The following TSEN15 variants were observed in gnomAD, a reference collection of about 807,000 sequenced individuals.
TSEN15 encodes tRNA splicing endonuclease subunit 15.
A neutral mutation model predicts 20.5 loss-of-function variants in TSEN15; 10 were observed. That is an observed-to-expected ratio of 0.49 (90% CI 0.30 to 0.83). The LOEUF (loss-of-function observed/expected upper bound fraction) is 0.83. TSEN15 is among the 40% of genes least tolerant of loss of function. The pLI is 0.06. For synonymous variants in TSEN15, 72 were observed against 80.1 expected (o/e 0.90, Z 0.54); for missense variants, 180 against 218.6 (o/e 0.82, Z 1.11).
intron 3 of TSEN15, among the ~76,000 whole-genome samples, chr1:184,082,479 G>A (rs1651188227): frequency 6.6e-6 from 1 of 152,178 alleles, no homozygotes; most frequent in East Asian, 1.9e-4. Context: ...AGTATGTGGA[G>A]CTTTACCTGG....
chr1:184,053,206 C>A (rs1173824835), intron 1 of TSEN15, among the ~76,000 whole-genome samples: 1 of 151,934 alleles, frequency 6.6e-6, no homozygotes, highest in Admixed American at 6.6e-5. Context: ...CTTGAAGGAT[C>A]AAATTAATTT....
intron 3 of TSEN15, among the ~76,000 whole-genome samples, chr1:184,082,432 A>C (rs1278728513): frequency 5.9e-5 from 9 of 152,108 alleles, no homozygotes; most frequent in Non-Finnish European, 2.9e-5. Context: ...TCTTCATAGC[A>C]TGTTGAAGAA....
downstream of TSEN15, among the ~76,000 whole-genome samples, chr1:184,077,605 A>T (rs900339612): frequency 6.6e-6 from 1 of 152,122 alleles, no homozygotes; most frequent in African/African-American, 2.4e-5. Context: ...TAGACTGACA[A>T]CCTTCCAGAA....
intron 3 of TSEN15, among the ~76,000 whole-genome samples, chr1:184,060,524 A>G (rs1366197292): frequency 6.6e-6 from 1 of 152,256 alleles, no homozygotes; most frequent in Admixed American, 6.5e-5. Context: ...TAAGCAAGGA[A>G]GTGAGACTAT....
At chr1:184,067,924 C>CTCAA (rs1650731485) in intron 3 of TSEN15, among the ~76,000 whole-genome samples, 2 of 54,884 alleles carry the variant, frequency 3.6e-5, no homozygotes, top group Admixed American at 2.2e-4. Context: ...CTCTCTCTCT[C>CTCAA]AAAAAAAAAA....
intron 3 of TSEN15, among the ~76,000 whole-genome samples, chr1:184,061,091 A>G (rs1650440161): frequency 6.6e-6 from 1 of 152,106 alleles, no homozygotes; most frequent in South Asian, 2.1e-4. Flanking sequence ...TCTTAGTGCT[A>G]ATTTGTCTTT....
chr1:184,083,854 T>A (rs1651212910), intron 3 of TSEN15, among the ~76,000 whole-genome samples: 1 of 152,170 alleles, frequency 6.6e-6, no homozygotes, highest in Admixed American at 6.5e-5. Context: ...GGTGATCCTA[T>A]AATTGAAAGA....
In TSEN15 at chr1:184,051,906, A is replaced by G; in HGVS notation, c.135+16A>G. 6.6e-7 allele frequency: 1 copy of G among 1,525,458 alleles called. No individual in the cohort carries two copies. Among genetic ancestry groups the G allele is most frequent in the East Asian group, 2.6e-5 (1 of 38,912 alleles). 94.5% of individuals were successfully genotyped at this position (1,525,458 alleles called of 1,614,324 possible). Reference sequence around the variant, plus strand: ...TCACCCTAAGGTCAGGAGGCGCGAGAGGAGCAGGGCGCCGTCCAGGCCCCT... The same window carrying G: ...TCACCCTAAGGTCAGGAGGCGCGAGGGGAGCAGGGCGCCGTCCAGGCCCCT... On this transcript the variant is annotated intron_variant, in intron 1 of 4. Transcript: ENST00000645668.
At chr1:184,062,506 T>C (rs1650495155) in intron 3 of TSEN15, among the ~76,000 whole-genome samples, 1 of 152,142 alleles carries the variant, frequency 6.6e-6, no homozygotes, top group Non-Finnish European at 1.5e-5. Context: ...CAAATTTATG[T>C]TCAGATAGCC....
At chr1:184,092,957 G>T (rs1343312970) in intron 3 of TSEN15, among the ~76,000 whole-genome samples, 2 of 152,152 alleles carry the variant, frequency 1.3e-5, no homozygotes, top group Non-Finnish European at 1.5e-5. Flanking sequence ...ATGAGAACTT[G>T]CAGCTCCTTA....
At chr1:184,063,750 A>G (rs1276382989) in intron 3 of TSEN15, among the ~76,000 whole-genome samples, 5 of 152,180 alleles carry the variant, frequency 3.3e-5, no homozygotes, top group Non-Finnish European at 4.4e-5. Flanking sequence ...AACCCAGATA[A>G]TATAAATGGA....
chr1:184,058,139 G>A (rs1650313004), intron 3 of TSEN15: 2 of 424,192 alleles, frequency 4.7e-6, no homozygotes, highest in Non-Finnish European at 9.4e-6. Context: ...TGTTTCCATT[G>A]TTAATTTCTA....
chr1:184,057,580 A>C (rs940643622), intron 3 of TSEN15, among the ~76,000 whole-genome samples: 4 of 152,110 alleles, frequency 2.6e-5, no homozygotes, highest in Non-Finnish European at 5.9e-5. Context: ...TCTGGGTTTC[A>C]GTTTCCTCGT....
intron 3 of TSEN15, among the ~76,000 whole-genome samples, chr1:184,086,245 A>T (rs1057104343): frequency 6.6e-6 from 1 of 152,224 alleles, no homozygotes; most frequent in Non-Finnish European, 1.5e-5. Context: ...TTATGGACAC[A>T]TGGGAATTGG....
At chr1:184,072,028 T>G (rs1650901874) in intron 3 of TSEN15, 129 bp from the exon 4 acceptor site, 1 of 835,888 alleles carries the variant, frequency 1.2e-6, no homozygotes, top group East Asian at 2.8e-5. Context: ...TTTTTAAAAT[T>G]ATTTTTTCTC....
chr1:184,057,067 A>G (rs1163627934), intron 3 of TSEN15, among the ~76,000 whole-genome samples: 1 of 152,184 alleles, frequency 6.6e-6, no homozygotes, highest in African/African-American at 2.4e-5. Context: ...TTTGGCAAAA[A>G]TGATAGGAAT....
chr1:184,060,373 G>C (rs898210917), intron 3 of TSEN15, among the ~76,000 whole-genome samples: 1 of 152,222 alleles, frequency 6.6e-6, no homozygotes, highest in African/African-American at 2.4e-5. Context: ...AGATCCACTT[G>C]TGCCAGGCAC....
At chr1:184,095,834 G>A (rs192087252) in exon 4 of TSEN15, 362 of 398,374 alleles carry the variant, frequency 9.1e-4, no homozygotes, top group Non-Finnish European at 1.4e-3. Context: ...ATAAATTTCT[G>A]TTGTTTAAGC....
At chr1:184,076,730 C>T (rs1321012280), downstream of TSEN15, among the ~76,000 whole-genome samples, 1 of 152,082 alleles carries the variant, frequency 6.6e-6, no homozygotes, top group Non-Finnish European at 1.5e-5. Flanking sequence ...AGTGAAACAG[C>T]CTTATTGTTG....
Sources: gnomAD v4.1 joint callset for allele counts (sites outside exome capture counted in the v4.1 genomes callset) on GRCh38, gnomAD v4.1.1 for gene constraint, MANE v1.5 for transcripts, NCBI Gene and HGNC (gene_info 2026-07-23, HGNC 2026-07-21) for gene names.